Variants in RAD51B observed in about 807,000 individuals in gnomAD.
RAD51B encodes the protein DNA repair protein RAD51 homolog 2.
Under a neutral mutation model 42.2 loss-of-function variants are expected in RAD51B, and 38 were observed. The observed-to-expected ratio is 0.90, with a 90% CI of 0.70 to 1.18. The LOEUF is 1.18. Ranked by LOEUF, RAD51B falls within the 50% of genes most tolerant of loss-of-function variation. The pLI is 0.00. For synonymous variants in RAD51B, 154 were observed against 145.2 expected (o/e 1.06, Z -0.43); for missense variants, 373 against 400.7 (o/e 0.93, Z 0.59).
At chr14:67,917,539 A>T (rs559947070) in intron 7 of RAD51B, among the ~76,000 whole-genome samples, 11 of 152,320 alleles carry the variant, frequency 7.2e-5, no homozygotes, top group South Asian at 6.2e-4. Context: ...TTGGGGATTA[A>T]CATTCAACAT....
At chr14:68,411,588 T>A in intron 9 of RAD51B, 61 bp downstream of exon 9, 1 of 1,484,736 alleles carries the variant, frequency 6.7e-7, no homozygotes, top group Non-Finnish European at 9.4e-7. Flanking sequence ...TACCAAGCAA[T>A]CTGAGCGTCT....
chr14:68,621,567 T>C (rs17106049), intron 10 of RAD51B, among the ~76,000 whole-genome samples: 35,626 of 152,246 alleles, frequency 0.23, 4,701 homozygotes, highest in African/African-American at 0.34. Context: ...TGACTTCAGC[T>C]ACCCGCTGTT....
chr14:68,562,515 G>A, intron 10 of RAD51B: 1 of 985,408 alleles, frequency 1.0e-6, no homozygotes, highest in African/African-American at 1.7e-5. Context: ...CCTCTGCAGG[G>A]TGGAGCCAGC....
intron 7 of RAD51B, among the ~76,000 whole-genome samples, chr14:68,045,820 G>T (rs1880637884): frequency 6.6e-6 from 1 of 152,112 alleles, no homozygotes; most frequent in Admixed American, 6.6e-5. Context: ...CTTTGGGGAT[G>T]ATGATTTAAC....
intron 7 of RAD51B, among the ~76,000 whole-genome samples, chr14:68,087,845 TTATTATATATATAATTATATAATA>T: frequency 7.9e-6 from 1 of 126,386 alleles, no homozygotes; most frequent in Non-Finnish European, 1.6e-5. Context: ...AATTATATAA[TTATTATATATATAATTATATAATA>T]TATTATTTAT....
At chr14:68,555,411 C>T (rs1888789838) in intron 10 of RAD51B, among the ~76,000 whole-genome samples, 1 of 152,146 alleles carries the variant, frequency 6.6e-6, no homozygotes, top group Non-Finnish European at 1.5e-5. Flanking sequence ...CAGAGTGTCC[C>T]TGTCTGTCTA....
At chr14:68,413,382 G>A (rs746362784) in intron 9 of RAD51B, among the ~76,000 whole-genome samples, 2 of 152,160 alleles carry the variant, frequency 1.3e-5, no homozygotes, top group Non-Finnish European at 2.9e-5. Flanking sequence ...CATTAGATGG[G>A]TCAGTCATGT....
chr14:68,347,985 A>G (rs910777469), intron 8 of RAD51B, among the ~76,000 whole-genome samples: 1 of 152,326 alleles, frequency 6.6e-6, no homozygotes, highest in East Asian at 1.9e-4. Context: ...GAACATCAAC[A>G]GGGCAAGAGA....
At chr14:68,324,272 C>T (rs1413593901) in intron 8 of RAD51B, among the ~76,000 whole-genome samples, 2 of 152,194 alleles carry the variant, frequency 1.3e-5, no homozygotes, top group East Asian at 3.9e-4. Context: ...ACCATCTATA[C>T]CCAACCCGCA....
At chr14:68,443,852 A>C (rs372133727) in intron 9 of RAD51B, among the ~76,000 whole-genome samples, 4 of 152,134 alleles carry the variant, frequency 2.6e-5, no homozygotes, top group South Asian at 2.1e-4. Flanking sequence ...AAAAAAAAAA[A>C]ACAAAACTTT....
At chr14:68,404,796 C>T (rs759517279) in intron 8 of RAD51B, among the ~76,000 whole-genome samples, 53 of 152,148 alleles carry the variant, frequency 3.5e-4, no homozygotes, top group Non-Finnish European at 6.2e-4. Flanking sequence ...AACCCCTTGC[C>T]CTGGGTTATC....
chr14:67,998,511 A>G (rs1332258377), intron 7 of RAD51B, among the ~76,000 whole-genome samples: 1 of 152,228 alleles, frequency 6.6e-6, no homozygotes, highest in Non-Finnish European at 1.5e-5. Flanking sequence ...CAAAAACAGA[A>G]TGGTACAAAT....
intron 10 of RAD51B, among the ~76,000 whole-genome samples, chr14:68,622,383 T>G (rs1891968702): frequency 6.6e-6 from 1 of 152,180 alleles, no homozygotes; most frequent in Non-Finnish European, 1.5e-5. Context: ...ATGGTCTCTC[T>G]CCTCCTGAAG....
rs67986091 is a variant in RAD51B at position 68,335,306 on chromosome 14, AAAAAAAAG to A, written c.853+43331_853+43338del. On this transcript the variant is annotated intron_variant, in intron 8 of 10. Transcript: ENST00000471583. ...AGTGAGACCCTGTGTCAAAAAAAAAAAAAAAAAGAAAAGAAAAAAGAAACAGAAAATAT... is the reference window on the plus strand; with the variant it reads ...AGTGAGACCCTGTGTCAAAAAAAAAAAAAAGAAAAAAGAAACAGAAAATAT... Among the ~76,000 whole-genome samples, 552 of 143,048 alleles carry A rather than the reference AAAAAAAAG, an allele frequency of 3.9e-3. 6 individuals are homozygous for A. Among genetic ancestry groups the A allele is most frequent in the Non-Finnish European group, 6.7e-3 (439 of 65,528 alleles). The allele number at this position is 143,048 out of a possible 152,430, so 93.8% of individuals were successfully genotyped here.
chr14:68,034,311 A>G (rs2076089745), intron 7 of RAD51B, among the ~76,000 whole-genome samples: 1 of 149,664 alleles, frequency 6.7e-6, no homozygotes, highest in Admixed American at 6.6e-5. Flanking sequence ...TTGCTCTATT[A>G]CCCAGGTTGG....
At chr14:68,432,137 C>T (rs1425407415) in intron 9 of RAD51B, among the ~76,000 whole-genome samples, 2 of 152,168 alleles carry the variant, frequency 1.3e-5, no homozygotes, top group East Asian at 1.9e-4. Context: ...AATTTCTGTT[C>T]TTTTACATTT....
At chr14:67,836,840 T>C (rs982939762) in intron 4 of RAD51B, among the ~76,000 whole-genome samples, 1 of 152,148 alleles carries the variant, frequency 6.6e-6, no homozygotes, top group Non-Finnish European at 1.5e-5. Flanking sequence ...TGAAAACTGC[T>C]TACAATGTGG....
chr14:68,602,566 A>G (rs961856549), intron 10 of RAD51B, among the ~76,000 whole-genome samples: 19 of 152,282 alleles, frequency 1.2e-4, no homozygotes, highest in Non-Finnish European at 2.8e-4. Flanking sequence ...ATAGGTTGAT[A>G]TTAGATGATA....
At chr14:68,071,435 T>C (rs1015192983) in intron 7 of RAD51B, among the ~76,000 whole-genome samples, 2 of 152,166 alleles carry the variant, frequency 1.3e-5, no homozygotes, top group African/African-American at 4.8e-5. Flanking sequence ...TTGAAGTATA[T>C]ACCTTTGATG....
Sources: gnomAD v4.1 joint callset for allele counts (sites outside exome capture counted in the v4.1 genomes callset) on GRCh38, gnomAD v4.1.1 for gene constraint, MANE v1.5 for transcripts, NCBI Gene and HGNC (gene_info 2026-07-23, HGNC 2026-07-21) for gene names.